Variants in ADGB observed in about 807,000 individuals in gnomAD.
ADGB encodes androglobin.
Under a neutral mutation model 210.5 loss-of-function variants are expected in ADGB, and 172 were observed. The ratio of observed to expected loss-of-function variants is 0.82; its 90% CI spans 0.72 to 0.93. The LOEUF (loss-of-function observed/expected upper bound fraction) is 0.93, where lower values mean the gene tolerates loss of function less well. ADGB is among the 40% of genes least tolerant of loss of function. The probability of loss-of-function intolerance (pLI) is 0.00; values close to 1 mark genes in which losing one functional copy is unlikely to be tolerated. For missense variants in ADGB, 2,025 were observed against 1,964.8 expected, an observed-to-expected ratio of 1.03 and a Z score of -0.58; for synonymous variants, 658 against 662.7, an observed-to-expected ratio of 0.99 and a Z score of 0.11.
At chr6:146,711,081 A>G (rs1776650470) in intron 13 of ADGB, among the ~76,000 whole-genome samples, 1 of 151,184 alleles carries the variant, frequency 6.6e-6, no homozygotes, top group Admixed American at 6.6e-5. Flanking sequence ...CTCACTTACT[A>G]TCCCATATCT....
At chr6:146,613,162 A>G (rs1440910039) in intron 1 of ADGB, among the ~76,000 whole-genome samples, 1 of 152,220 alleles carries the variant, frequency 6.6e-6, no homozygotes, top group African/African-American at 2.4e-5. Context: ...GCATTTACTC[A>G]AGCACGATGT....
chr6:146,724,416 T>C, intron 18 of ADGB, 89 bp downstream of exon 18: 2 of 1,300,490 alleles, frequency 1.5e-6, no homozygotes, highest in Non-Finnish European at 2.0e-6. Flanking sequence ...ATATGGACTC[T>C]AAGACATTGT....
At chr6:146,699,707 TTTTG>T (rs1461735689) in intron 12 of ADGB, among the ~76,000 whole-genome samples, 9 of 151,542 alleles carry the variant, frequency 5.9e-5, no homozygotes, top group East Asian at 5.9e-4. Flanking sequence ...TCAAAATAAT[TTTTG>T]TTTATCTCTC....
rs529088116 is a variant in ADGB at position 146,684,497 on chromosome 6, A to C, written c.1217-1237A>C. ...TCACTGCTGAGGGCCATTCTGGTCA[A>C]TGTGGGTATCTCAAATGGTCTTATC... On this transcript the variant is annotated intron_variant, in intron 9 of 35. Coordinates refer to ENST00000397944, the MANE Select transcript of ADGB (RefSeq NM_024694.4). Among the ~76,000 whole-genome samples the C allele has an allele frequency of 2.0e-5, 3 of 152,210 alleles. No homozygotes were observed. The South Asian group carries it at 6.2e-4, about 32-fold the overall frequency.
chr6:146,691,132 A>G lies in ADGB; in HGVS notation c.1328A>G (p.Lys443Arg). 3 of 1,531,466 alleles carry G rather than the reference A, an allele frequency of 2.0e-6. No individual in the cohort carries two copies. The highest frequency in any genetic ancestry group is 2.6e-6 in the Non-Finnish European group (3 of 1,139,354). 94.9% of individuals were successfully genotyped at this position (1,531,466 alleles called of 1,614,324 possible). Reference sequence around the variant, plus strand: ...ATCTTCTAGGCAGATTCTGCTGAGAAACTTAGAGAATATGGGCTTTCCCAC... The same window carrying G: ...ATCTTCTAGGCAGATTCTGCTGAGAGACTTAGAGAATATGGGCTTTCCCAC... The part of the protein sequence containing the change: ...SLEKMADSAE[K>R]LREYGLSHIC... Residue 443 changes from lysine to arginine, a missense_variant, in exon 11 of 36, where the codon AAA becomes AGA. Coordinates refer to ENST00000397944, the MANE Select transcript of ADGB (RefSeq NM_024694.4).
chr6:146,760,690 T>C lies in ADGB; in HGVS notation c.3551-3211T>C, dbSNP rs191871815. ...TTATTTTAAGATGGTAAACAGTTTA[T>C]CAAATGGATTGTATCATTTTACATT... On this transcript the variant is annotated intron_variant, in intron 27 of 35. Coordinates refer to ENST00000397944, the MANE Select transcript of ADGB (RefSeq NM_024694.4). Among the ~76,000 whole-genome samples the C allele has an allele frequency of 2.8e-3, 427 of 152,094 alleles. 1 individual carries two copies. Among genetic ancestry groups the C allele is most frequent in the Non-Finnish European group, 3.1e-3 (211 of 67,844 alleles).
At chr6:146,636,293 A>G (rs1335962455) in intron 2 of ADGB, among the ~76,000 whole-genome samples, 3 of 152,076 alleles carry the variant, frequency 2.0e-5, no homozygotes, top group Non-Finnish European at 4.4e-5. Context: ...AACTTTACAT[A>G]AAGCATTCTG....
chr6:146,642,912 TA>T, intron 2 of ADGB, among the ~76,000 whole-genome samples: 1 of 151,826 alleles, frequency 6.6e-6, no homozygotes, highest in South Asian at 2.1e-4. Context: ...AATTATAAAA[TA>T]AAAGGGTTCT....
At chr6:146,690,743 A>C (rs1009838340) in intron 10 of ADGB, among the ~76,000 whole-genome samples, 3 of 152,214 alleles carry the variant, frequency 2.0e-5, no homozygotes, top group Admixed American at 1.3e-4. Context: ...AGCAATGGCT[A>C]GTTTTTTTTA....
chr6:146,700,518 T>A (rs1776475619), intron 12 of ADGB, among the ~76,000 whole-genome samples: 1 of 152,184 alleles, frequency 6.6e-6, no homozygotes, highest in African/African-American at 2.4e-5. Flanking sequence ...AAAGGAAGAC[T>A]GTATGCTCGG....
intron 30 of ADGB, among the ~76,000 whole-genome samples, 153 bp from the exon 31 acceptor site, chr6:146,784,465 G>T (rs994709282): frequency 6.6e-5 from 10 of 152,118 alleles, no homozygotes; most frequent in Non-Finnish European, 1.0e-4. Context: ...GAATAAGACT[G>T]CAATGAACAT....
chr6:146,650,597 CAAAAAAAAAAAAAAAAAAAAAA>C (rs57913607), intron 3 of ADGB, among the ~76,000 whole-genome samples: 6 of 36,534 alleles, frequency 1.6e-4, no homozygotes, highest in South Asian at 1.5e-3. Context: ...TCCCTCCCAC[CAAAAAAAAAAAAAAAAAAAAAA>C]AAAAAAAAAA....
At position 146,647,391 on chromosome 6, in the gene ADGB, A is replaced by G. The variant is rs145056442; in HGVS notation, c.330+2526A>G. Among the ~76,000 whole-genome samples the G allele has an allele frequency of 9.0e-3, 1,376 of 152,190 alleles. 14 individuals are homozygous for G. The highest frequency in any genetic ancestry group is 0.031 in the African/African-American group (1,288 of 41,558). On this transcript the variant is annotated intron_variant, in intron 3 of 35. Coordinates refer to ENST00000397944, the MANE Select transcript of ADGB (RefSeq NM_024694.4). ...TTAGTGTGACTGATTTTCCTTACAG[A>G]AAGCCCATTTAGATAACCTAGAAGT...
In ADGB at chr6:146,702,755, C is replaced by T. The variant is rs370618485; in HGVS notation, c.1707+1685C>T. 7.8e-4 allele frequency among the ~76,000 whole-genome samples: 119 copies of T among 151,970 alleles called. 2 individuals carry two copies. In the South Asian group the frequency reaches 0.019, roughly 24 times the overall value. ...TGAACTGTAGTTTATTTCTATCAAT[C>T]TCTATAGATGAAATCTTGGGTTGAT... On this transcript the variant is annotated intron_variant, in intron 13 of 35. Transcript: ENST00000397944.
chr6:146,746,153 A>G, intron 26 of ADGB, 44 bp downstream of exon 26: 3 of 1,330,702 alleles, frequency 2.3e-6, no homozygotes, highest in South Asian at 1.5e-5. Flanking sequence ...TTTAAAAAAT[A>G]TTAATATTTT....
chr6:146,714,230 C>T (rs1399725550), intron 13 of ADGB, among the ~76,000 whole-genome samples: 1 of 151,996 alleles, frequency 6.6e-6, no homozygotes, highest in Non-Finnish European at 1.5e-5. Context: ...ATGGCCAGAG[C>T]TTATCAACTG....
chr6:146,689,253 T>A (rs970141869), intron 10 of ADGB, among the ~76,000 whole-genome samples: 1 of 152,174 alleles, frequency 6.6e-6, no homozygotes, highest in African/African-American at 2.4e-5. Flanking sequence ...ATTGTAAATC[T>A]CCCTCATCCC....
chr6:146,766,134 A>AG lies in ADGB; in HGVS notation c.3750+2040dup, dbSNP rs1422913133. ...TAAAACCTACAGGGTGGTAGGGGTG[A>AG]GGGGGGCGGTGAGCGCAGTGGCTCA... is the stretch of plus-strand genomic sequence containing the variant. On this transcript the variant is annotated intron_variant, in intron 28 of 35. Transcript: ENST00000397944. Among the ~76,000 whole-genome samples the AG allele has an allele frequency of 1.9e-4, 29 of 152,172 alleles. No homozygotes were observed. The East Asian group carries it at 5.4e-3, about 28-fold the overall frequency.
intron 28 of ADGB, 35 bp from the exon 29 acceptor site, chr6:146,768,985 C>A: frequency 8.4e-7 from 1 of 1,184,028 alleles, no homozygotes; most frequent in Non-Finnish European, 1.2e-6. Flanking sequence ...CATGTATGTT[C>A]TTATCATTTT....
Sources: gnomAD v4.1 joint callset for allele counts (sites outside exome capture counted in the v4.1 genomes callset) on GRCh38, gnomAD v4.1.1 for gene constraint, MANE v1.5 for transcripts, NCBI Gene and HGNC (gene_info 2026-07-23, HGNC 2026-07-21) for gene names.